PARP4: variants seen among roughly 807,000 people sequenced by gnomAD.
The protein encoded by PARP4 is poly(ADP-ribose) polymerase family member 4, also known as protein mono-ADP-ribosyltransferase PARP4.
Under a neutral mutation model 187.7 loss-of-function variants are expected in PARP4, and 120 were observed. The ratio of observed to expected loss-of-function variants is 0.64; its 90% CI spans 0.55 to 0.74. PARP4 has a LOEUF of 0.74. Among genes scored for constraint, PARP4 ranks in the 30% least tolerant of loss-of-function variants. PARP4 has a pLI of 0.00. For missense variants in PARP4, 1,836 were observed against 2,070.5 expected, an observed-to-expected ratio of 0.89 and a Z score of 2.20; for synonymous variants, 654 against 740.9, an observed-to-expected ratio of 0.88 and a Z score of 1.90.
At position 24,452,430 on chromosome 13, in the gene PARP4, G is replaced by C; in HGVS notation, c.2990C>G (p.Thr997Ser). The C allele has an allele frequency of 6.2e-7, 1 of 1,613,692 alleles. No homozygotes were observed. Among genetic ancestry groups the C allele is most frequent in the Non-Finnish European group, 8.5e-7 (1 of 1,179,880 alleles). Reference protein sequence around the residue: ...LQLVKRSRPHTRLFACGIGST... With the variant: ...LQLVKRSRPHSRLFACGIGST... Reference sequence around the variant, plus strand: ...CCCGATACCGCAGGCGAATAACCTGGTGTGCGGGCGGCTCCTCTTCACGAG... The same window carrying C: ...CCCGATACCGCAGGCGAATAACCTGCTGTGCGGGCGGCTCCTCTTCACGAG... Residue 997 changes from threonine to serine, a missense_variant, in exon 24 of 34, where the codon ACC becomes AGC. By Grantham distance (58) the Thr-to-Ser change is moderately conservative. Coordinates refer to ENST00000381989, the MANE Select transcript of PARP4 (RefSeq NM_006437.4).
chr13:24,431,289 T>C lies in PARP4; in HGVS notation c.4846+88A>G, dbSNP rs576040648. 2.0e-4 allele frequency: 143 copies of C among 725,918 alleles called. 1 individual carries two copies. In the African/African-American group the frequency reaches 2.5e-3, roughly 13 times the overall value. The allele number at this position is 725,918 out of a possible 1,614,324, so 45.0% of individuals were successfully genotyped here. A position where few individuals can be genotyped will look rare whatever the true frequency, so the allele number is the denominator to read the frequency against. On this transcript the variant is annotated intron_variant, in intron 32 of 33. Transcript: ENST00000381989. ...TTTCATAATTATTACATTAATACACTAGCTTACAAAACAGTTTACAACAAT... is the reference window on the plus strand; with the variant it reads ...TTTCATAATTATTACATTAATACACCAGCTTACAAAACAGTTTACAACAAT...
At chr13:24,426,304 C>A (rs1457859136) in intron 33 of PARP4, among the ~76,000 whole-genome samples, 162 bp downstream of exon 33, 1 of 152,116 alleles carries the variant, frequency 6.6e-6, no homozygotes, top group Admixed American at 6.6e-5. Context: ...CAGCCCTGCC[C>A]GCCACAGGAG....
At chr13:24,441,479 A>G (rs1303145371) in intron 30 of PARP4, among the ~76,000 whole-genome samples, 2 of 152,272 alleles carry the variant, frequency 1.3e-5, no homozygotes, top group Non-Finnish European at 2.9e-5. Flanking sequence ...AAAGCACTAT[A>G]AACTTTAAGA....
chr13:24,460,833 G>A (rs1409737718), intron 17 of PARP4, among the ~76,000 whole-genome samples: 1 of 152,038 alleles, frequency 6.6e-6, no homozygotes, highest in Non-Finnish European at 1.5e-5. Flanking sequence ...GCACCACCAT[G>A]CCTGGCTGAT....
In PARP4 at chr13:24,482,569, G is replaced by A. The variant is rs150496979; in HGVS notation, c.1448+2084C>T. Among the ~76,000 whole-genome samples the A allele has an allele frequency of 2.9e-4, 44 of 152,200 alleles. No homozygotes were observed. In the South Asian group the frequency reaches 6.8e-3, roughly 24 times the overall value. ...AGACATTGACACGAGACCTTCCACC[G>A]GCAAAAAGACAATGGCTCACTGAAG... On this transcript the variant is annotated intron_variant, in intron 12 of 33. Transcript: ENST00000381989.
At chr13:24,498,302 GATTATA>G (rs1204677432) in intron 5 of PARP4, 73 bp from the exon 6 acceptor site, 12 of 814,840 alleles carry the variant, frequency 1.5e-5, no homozygotes, top group Non-Finnish European at 2.5e-5. Flanking sequence ...TGAAAATGTT[GATTATA>G]ATTATAAAAT....
chr13:24,439,159 T>C (rs7995909), intron 30 of PARP4, among the ~76,000 whole-genome samples: 60,215 of 151,676 alleles, frequency 0.4, 12,179 homozygotes, highest in African/African-American at 0.46. Flanking sequence ...TTGAAAATAA[T>C]TTCAAAAATT....
At chr13:24,495,612 A>G (rs1465762395) in intron 6 of PARP4, among the ~76,000 whole-genome samples, 1 of 152,148 alleles carries the variant, frequency 6.6e-6, no homozygotes, top group Non-Finnish European at 1.5e-5. Flanking sequence ...CATTAACCCC[A>G]GGAAAATCTG....
chr13:24,485,967 A>G (rs1593639045), intron 11 of PARP4, among the ~76,000 whole-genome samples: 1 of 152,224 alleles, frequency 6.6e-6, no homozygotes, highest in African/African-American at 2.4e-5. Flanking sequence ...TACAGGTGTG[A>G]CCCACCATGC....
At chr13:24,473,377 A>G (rs189305590) in intron 15 of PARP4, among the ~76,000 whole-genome samples, 3 of 152,336 alleles carry the variant, frequency 2.0e-5, no homozygotes, top group Non-Finnish European at 2.9e-5. Context: ...TTACAAAGAA[A>G]TGTTAAATAA....
At chr13:24,504,245 C>A (rs1304424613) in intron 1 of PARP4, among the ~76,000 whole-genome samples, 1 of 149,304 alleles carries the variant, frequency 6.7e-6, no homozygotes, top group African/African-American at 2.5e-5. Context: ...TAAAAATATA[C>A]AACTATGTTT....
At chr13:24,505,571 G>A (rs1427785140) in intron 1 of PARP4, among the ~76,000 whole-genome samples, 1 of 152,182 alleles carries the variant, frequency 6.6e-6, no homozygotes, top group Non-Finnish European at 1.5e-5. Flanking sequence ...TTTGCCCAAA[G>A]TCTGCAAAAT....
chr13:24,435,302 C>G lies in PARP4; in HGVS notation c.3839G>C (p.Gly1280Ala), dbSNP rs751669730. The change falls in exon 31 of 34, where the codon GGT (glycine) becomes GCT (alanine). Residue 1280 changes from glycine to alanine, a missense_variant. Transcript: ENST00000381989. Reference sequence around the variant, plus strand: ...ACTTAAATCCAATAGCTTTTCCACACCTCCACGTTCCAAATTTGATGTGAA... The same window carrying G: ...ACTTAAATCCAATAGCTTTTCCACAGCTCCACGTTCCAAATTTGATGTGAA... ...PAFTSNLERG[G>A]VEKLLDLSWT... 3 of 1,612,822 alleles carry G rather than the reference C, an allele frequency of 1.9e-6. No individual in the cohort carries two copies. The South Asian group carries it at 3.3e-5, about 18-fold the overall frequency.
chr13:24,445,160 G>A (rs1010607155), intron 27 of PARP4, among the ~76,000 whole-genome samples: 1 of 152,048 alleles, frequency 6.6e-6, no homozygotes, highest in Non-Finnish European at 1.5e-5. Flanking sequence ...TCGTGCACAC[G>A]TAACGACATC....
chr13:24,472,391 CA>C (rs901808877), intron 15 of PARP4, among the ~76,000 whole-genome samples: 4 of 152,128 alleles, frequency 2.6e-5, no homozygotes, highest in Non-Finnish European at 5.9e-5. Context: ...AGAGTGGGCC[CA>C]GGGGTGGAGG....
intron 33 of PARP4, 43 bp downstream of exon 33, chr13:24,426,423 T>G: frequency 6.9e-7 from 1 of 1,444,954 alleles, no homozygotes; most frequent in Non-Finnish European, 9.6e-7. Flanking sequence ...AAATAAATAG[T>G]TGAAAATATA....
chr13:24,477,210 T>C (rs1250128905), intron 14 of PARP4, among the ~76,000 whole-genome samples: 1 of 152,220 alleles, frequency 6.6e-6, no homozygotes, highest in Non-Finnish European at 1.5e-5. Context: ...CTGGCCATGG[T>C]GGCTCATATC....
chr13:24,456,360 T>G lies in PARP4; in HGVS notation c.2543A>C (p.His848Pro). Residue 848 changes from histidine (H) to proline (P), a missense_variant, in exon 21 of 34, where the codon CAT becomes CCT. By Grantham distance (77) the His-to-Pro change is moderately conservative. This residue lies in a region of PARP4 where 1,147 missense variants were observed against 1,214.2 expected (regional missense o/e 0.94). Coordinates refer to ENST00000381989, the MANE Select transcript of PARP4 (RefSeq NM_006437.4). ...AYLPRMWVEK[H>P]PEKESEACML... ...GTATACCTCGCTTTCTTTTTCTGGA[T>G]GTTTTTCAACCCACATTCTTGGGAG... The G allele has an allele frequency of 1.2e-6, 2 of 1,609,810 alleles. No individual in the cohort carries two copies. Among genetic ancestry groups the G allele is most frequent in the African/African-American group, 1.3e-5 (1 of 75,010 alleles).
At chr13:24,437,854 A>AAAAAAAAAAAAAAC (rs1870711921) in intron 30 of PARP4, among the ~76,000 whole-genome samples, 1 of 151,654 alleles carries the variant, frequency 6.6e-6, no homozygotes, top group African/African-American at 2.4e-5. Flanking sequence ...CATCTCAAAA[A>AAAAAAAAAAAAAAC]AAAAAAAGAA....
Sources: allele counts gnomAD v4.1 joint callset (sites outside exome capture counted in the v4.1 genomes callset), GRCh38; gene constraint gnomAD v4.1.1; regional missense constraint gnomAD v4.1.1; transcripts MANE v1.5; gene names NCBI Gene and HGNC (gene_info 2026-07-23, HGNC 2026-07-21).